The following SLC13A4 variants were observed in gnomAD, a reference collection of about 807,000 sequenced individuals.
SLC13A4 encodes solute carrier family 13 member 4.
Under a neutral mutation model 72.7 loss-of-function variants are expected in SLC13A4, and 28 were observed. The observed-to-expected ratio is 0.39, with a 90% CI of 0.29 to 0.53. The LOEUF is 0.53. Among genes scored for constraint, SLC13A4 ranks in the 20% least tolerant of loss-of-function variants. SLC13A4 has a pLI of 0.78. For missense variants in SLC13A4, 653 were observed against 788.0 expected (o/e 0.83, Z 2.05); for synonymous variants, 312 against 325.5 (o/e 0.96, Z 0.45).
chr7:135,706,190 A>T lies in SLC13A4; in HGVS notation c.476T>A (p.Val159Asp). ...CACGAGCTGCTCGTCCTCAGCACTG[A>T]CCAGCTCCTGCAGCACGGCCTCCAC... ...PIVEAVLQEL[V>D]SAEDEQLVAG... The change falls in exon 4 of 16, where the codon GTC becomes GAC. Residue 159 changes from valine to aspartate, a missense_variant. Physicochemically the swap from Val to Asp is radical, Grantham distance 152 (BLOSUM62 -3). Coordinates refer to ENST00000682651, the MANE Select transcript of SLC13A4 (RefSeq NM_001318192.2). 2 of 1,613,960 alleles carry T rather than the reference A, an allele frequency of 1.2e-6. No homozygotes were observed. The highest frequency in any genetic ancestry group is 1.7e-6 in the Non-Finnish European group (2 of 1,179,854).
rs558536383 is a variant in SLC13A4 at position 135,726,339 on chromosome 7, A to C, written c.99+1059T>G. Among the ~76,000 whole-genome samples the C allele has an allele frequency of 3.9e-5, 6 of 152,330 alleles. No homozygotes were observed. In the East Asian group the frequency reaches 1.2e-3, roughly 29 times the overall value. ...GTCTCCCTGGCACTCTGGAGTATTTATTCTATGAAAGATTTAAGCCAGTTT... is the reference window on the plus strand; with the variant it reads ...GTCTCCCTGGCACTCTGGAGTATTTCTTCTATGAAAGATTTAAGCCAGTTT... On this transcript the variant is annotated intron_variant, in intron 1 of 15. Transcript: ENST00000682651.
At chr7:135,699,954 T>A (rs1221491419) in intron 7 of SLC13A4, among the ~76,000 whole-genome samples, 2 of 152,106 alleles carry the variant, frequency 1.3e-5, no homozygotes, top group African/African-American at 4.8e-5. Context: ...TCCTGTAGAG[T>A]TAGAATGACA....
intron 2 of SLC13A4, 49 bp from the exon 3 acceptor site, chr7:135,708,299 G>A (rs974221271): frequency 1.2e-6 from 2 of 1,611,258 alleles, no homozygotes; most frequent in East Asian, 2.2e-5. Context: ...CAAAGACCCA[G>A]GGCCCAGCAC....
chr7:135,708,261 G>A lies in SLC13A4; in HGVS notation c.229-11C>T. 1 of 1,614,010 alleles carries A rather than the reference G, an allele frequency of 6.2e-7. No homozygotes were observed. Among genetic ancestry groups the A allele is most frequent in the Non-Finnish European group, 8.5e-7 (1 of 1,179,922 alleles). ...GTACTCCGCCGCCACCTGTAGGGAGGCCAGGCATGTCAGTCACCCTCCCGG... is the reference window on the plus strand; with the variant it reads ...GTACTCCGCCGCCACCTGTAGGGAGACCAGGCATGTCAGTCACCCTCCCGG... On this transcript the variant is annotated splice_polypyrimidine_tract_variant and intron_variant, in intron 2 of 15. Transcript: ENST00000682651.
intron 15 of SLC13A4, among the ~76,000 whole-genome samples, chr7:135,682,538 C>T (rs1200042095): frequency 2.0e-5 from 3 of 152,240 alleles, no homozygotes; most frequent in Non-Finnish European, 2.9e-5. Context: ...CTAGACGTGT[C>T]CTCTCTCTCC....
intron 6 of SLC13A4, chr7:135,702,075 T>TA (rs11431156): frequency 0.36 from 63,810 of 179,140 alleles, 11,548 homozygotes; most frequent in African/African-American, 0.41. Flanking sequence ...AAAAAGAAAA[T>TA]AAAAAAAAAA....
chr7:135,718,923 C>G (rs1421861160), intron 2 of SLC13A4, among the ~76,000 whole-genome samples: 1 of 152,192 alleles, frequency 6.6e-6, no homozygotes, highest in Admixed American at 6.5e-5. Context: ...CCCATGTGCT[C>G]TGCCTTACTG....
chr7:135,699,405 G>A lies in SLC13A4; in HGVS notation c.858C>T (p.Ile286=), dbSNP rs751762239. The change falls in exon 8 of 16, where the codon ATC becomes ATT. Residue 286 remains isoleucine, a synonymous_variant. Coordinates refer to ENST00000682651, the MANE Select transcript of SLC13A4 (RefSeq NM_001318192.2). The part of the protein sequence containing the change: ...SATIGGLTTI[I]GTSTSLIFLE... The stretch of plus-strand genomic sequence containing the variant: ...GGAAGATGAGGCTGGTGGAGGTGCC[G>A]ATGATGGTGGTCAGGCCGCCAATGG... The A allele has an allele frequency of 3.1e-6, 5 of 1,613,236 alleles. No individual in the cohort carries two copies. The highest frequency in any genetic ancestry group is 2.2e-5 in the South Asian group (2 of 90,738).
Position 135,719,781 on chromosome 7 carries a change from A to ATGTGTG in SLC13A4, c.228+1608_228+1613dup, listed in dbSNP as rs968225969. 7.5e-5 allele frequency among the ~76,000 whole-genome samples: 11 copies of ATGTGTG among 146,116 alleles called. 1 individual carries two copies. The highest frequency in any genetic ancestry group is 2.3e-4 in the African/African-American group (9 of 39,112). On this transcript the variant is annotated intron_variant, in intron 2 of 15. Coordinates refer to ENST00000682651, the MANE Select transcript of SLC13A4 (RefSeq NM_001318192.2). ...TGAGGCTATGGCTACTCAATGCCAC[A>ATGTGTG]TGTGTGTGTGTGTGTGTGTGTATGT...
intron 13 of SLC13A4, chr7:135,688,943 T>C (rs1795706639): frequency 6.6e-6 from 1 of 151,988 alleles, no homozygotes; most frequent in African/African-American, 2.4e-5. Flanking sequence ...TGGAGTGCAA[T>C]GGTGGGATCT....
In SLC13A4 at chr7:135,685,519, C is replaced by T. The variant is rs1302148679; in HGVS notation, c.1608+3G>A. 6.8e-6 allele frequency: 11 copies of T among 1,613,824 alleles called. No individual in the cohort carries two copies. Among genetic ancestry groups the T allele is most frequent in the Non-Finnish European group, 9.3e-6 (11 of 1,179,790 alleles). On this transcript the variant is annotated splice_donor_region_variant and intron_variant, in intron 14 of 15. Coordinates refer to ENST00000682651, the MANE Select transcript of SLC13A4 (RefSeq NM_001318192.2). ...GGATGTCTGGGAGCTCCGCATTACT[C>T]ACCAGGCTGCACAGGATGGGCAGGA...
chr7:135,706,687 G>A (rs1418747969), intron 3 of SLC13A4, among the ~76,000 whole-genome samples: 1 of 152,112 alleles, frequency 6.6e-6, no homozygotes, highest in Admixed American at 6.5e-5. Context: ...GTTTGCCCTC[G>A]CAGCCAGCAA....
intron 9 of SLC13A4, 28 bp downstream of exon 9, chr7:135,695,340 G>A: frequency 6.2e-7 from 1 of 1,613,060 alleles, no homozygotes; most frequent in Non-Finnish European, 8.5e-7. Flanking sequence ...GGGCTTCAGT[G>A]CTTTGCTGAA....
chr7:135,697,020 C>T (rs1410693853), intron 8 of SLC13A4, among the ~76,000 whole-genome samples: 1 of 152,322 alleles, frequency 6.6e-6, no homozygotes, highest in East Asian at 1.9e-4. Flanking sequence ...TCTCCTTACC[C>T]TGTATATTCT....
At chr7:135,706,621 G>A (rs75113484) in intron 3 of SLC13A4, among the ~76,000 whole-genome samples, 5,302 of 152,302 alleles carry the variant, frequency 0.035, 107 homozygotes, top group Middle Eastern at 0.088. Flanking sequence ...CTGTCTCCAC[G>A]GACATTGGCT....
intron 3 of SLC13A4, 25 bp downstream of exon 3, chr7:135,708,089 T>A (rs1796209067): frequency 6.2e-7 from 1 of 1,608,368 alleles, no homozygotes. Flanking sequence ...ATGCCCTATG[T>A]CCTGGCATCC....
At chr7:135,696,087 G>A (rs1312488592) in intron 8 of SLC13A4, among the ~76,000 whole-genome samples, 1 of 152,190 alleles carries the variant, frequency 6.6e-6, no homozygotes, top group Non-Finnish European at 1.5e-5. Context: ...GCTGTTTCCT[G>A]GGGAGCCTGG....
intron 6 of SLC13A4, 114 bp downstream of exon 6, chr7:135,702,731 T>C (rs1382335106): frequency 3.4e-6 from 3 of 874,738 alleles, no homozygotes; most frequent in Non-Finnish European, 5.8e-6. Flanking sequence ...TGAAAGGAAC[T>C]CTAAGGTGGA....
chr7:135,727,819 G>A lies in SLC13A4; in HGVS notation c.-323C>T. The A allele has an allele frequency of 6.5e-6, 2 of 309,748 alleles. No homozygotes were observed. Among genetic ancestry groups the A allele is most frequent in the Non-Finnish European group, 1.2e-5 (2 of 169,886 alleles). The allele number at this position is 309,748 out of a possible 1,614,324, so 19.2% of individuals were successfully genotyped here. A position where few individuals can be genotyped will look rare whatever the true frequency, so the allele number is the denominator to read the frequency against. ...GTAATAGAGTAACTTCATTCTAGGT[G>A]TCAGCAGAAACCCCCTTAATCCTTT... On this transcript the variant is annotated 5_prime_UTR_variant, in exon 1 of 16. Coordinates refer to ENST00000682651, the MANE Select transcript of SLC13A4 (RefSeq NM_001318192.2).
Sources: allele counts gnomAD v4.1 joint callset (sites outside exome capture counted in the v4.1 genomes callset), GRCh38; gene constraint gnomAD v4.1.1; transcripts MANE v1.5; gene names NCBI Gene and HGNC (gene_info 2026-07-23, HGNC 2026-07-21).